SGCD: variants seen among roughly 807,000 people sequenced by gnomAD.
SGCD encodes sarcoglycan delta.
Under a neutral mutation model 36.6 loss-of-function variants are expected in SGCD, and 18 were observed. The observed-to-expected ratio is 0.49, with a 90% CI of 0.34 to 0.73. The LOEUF (loss-of-function observed/expected upper bound fraction) is 0.73, where lower values mean the gene tolerates loss of function less well. SGCD is among the 30% of genes least tolerant of loss of function. The pLI is 0.01. For missense variants in SGCD, 387 were observed against 346.7 expected (o/e 1.12, Z -0.92); for synonymous variants, 133 against 130.6 (o/e 1.02, Z -0.12).
intron 3 of SGCD, among the ~76,000 whole-genome samples, chr5:156,258,533 A>T (rs937118072): frequency 2.0e-5 from 3 of 152,214 alleles, no homozygotes; most frequent in African/African-American, 7.2e-5. Flanking sequence ...AAAAATAGCC[A>T]CGATTGTCTA....
intron 3 of SGCD, among the ~76,000 whole-genome samples, chr5:156,149,496 CTG>C (rs1477492610): frequency 6.6e-6 from 1 of 152,172 alleles, no homozygotes; most frequent in African/African-American, 2.4e-5. Context: ...GATCCAGAGT[CTG>C]TGATTTCTTC....
At chr5:156,534,672 T>A (rs922860833) in intron 4 of SGCD, among the ~76,000 whole-genome samples, 1 of 152,224 alleles carries the variant, frequency 6.6e-6, no homozygotes, top group South Asian at 2.1e-4. Flanking sequence ...AAACTGTGTG[T>A]GAAGCTTGGT....
intron 6 of SGCD, among the ~76,000 whole-genome samples, chr5:156,622,059 A>T (rs561737232): frequency 6.6e-6 from 1 of 152,308 alleles, no homozygotes; most frequent in African/African-American, 2.4e-5. Context: ...AATTATTGAG[A>T]TAAAATTCAC....
chr5:155,849,676 TG>T, the SGCD span, among the ~76,000 whole-genome samples: 2 of 152,160 alleles, frequency 1.3e-5, no homozygotes, highest in Non-Finnish European at 2.9e-5. Context: ...ATGTAGAATA[TG>T]TAAAAAAGGA....
chr5:156,655,013 T>C (rs770093753), intron 7 of SGCD, among the ~76,000 whole-genome samples: 9 of 152,164 alleles, frequency 5.9e-5, no homozygotes, highest in Non-Finnish European at 1.3e-4. Context: ...GAGGTGAATT[T>C]ATAGATCTTT....
chr5:156,650,121 A>G (rs548563985), intron 7 of SGCD, among the ~76,000 whole-genome samples: 3 of 152,256 alleles, frequency 2.0e-5, no homozygotes, highest in South Asian at 2.1e-4. Context: ...GTATTTGCAC[A>G]TGTTATGCTG....
At chr5:156,101,819 G>A (rs1054643582) in intron 1 of SGCD, among the ~76,000 whole-genome samples, 1 of 151,914 alleles carries the variant, frequency 6.6e-6, no homozygotes, top group African/African-American at 2.4e-5. Context: ...GAAAATCTTA[G>A]AGTGGAATCA....
At chr5:155,740,468 A>C in the SGCD span, among the ~76,000 whole-genome samples, 2 of 152,236 alleles carry the variant, frequency 1.3e-5, no homozygotes, top group African/African-American at 4.8e-5. Flanking sequence ...TTTCAGATGC[A>C]AAAATCACTC....
intron 3 of SGCD, among the ~76,000 whole-genome samples, chr5:156,214,963 C>A (rs1042400015): frequency 6.6e-6 from 1 of 152,018 alleles, no homozygotes; most frequent in South Asian, 2.1e-4. Flanking sequence ...GTATTAAAGT[C>A]TTAAATGTAA....
intron 3 of SGCD, among the ~76,000 whole-genome samples, chr5:156,456,718 C>T (rs181204413): frequency 1.5e-4 from 23 of 152,216 alleles, no homozygotes; most frequent in African/African-American, 4.3e-4. Context: ...GTTTTGTTGA[C>T]GCCTTAATTT....
intron 3 of SGCD, among the ~76,000 whole-genome samples, chr5:156,366,041 T>C (rs1019367540): frequency 6.6e-6 from 1 of 152,160 alleles, no homozygotes; most frequent in African/African-American, 2.4e-5. Context: ...TTAATAAATT[T>C]CATGTGTTCA....
intron 6 of SGCD, among the ~76,000 whole-genome samples, chr5:156,616,724 C>T: frequency 6.6e-6 from 1 of 152,188 alleles, no homozygotes; most frequent in Non-Finnish European, 1.5e-5. Flanking sequence ...TCAAAGAGGT[C>T]TTCCCTGACC....
intron 1 of SGCD, among the ~76,000 whole-genome samples, chr5:155,979,860 G>A (rs912534730): frequency 6.6e-6 from 1 of 152,128 alleles, no homozygotes; most frequent in African/African-American, 2.4e-5. Context: ...CTCAGATGAT[G>A]GTATGTTCTG....
At chr5:156,681,952 A>G (rs1389663420) in intron 7 of SGCD, among the ~76,000 whole-genome samples, 2 of 152,232 alleles carry the variant, frequency 1.3e-5, no homozygotes, top group Non-Finnish European at 1.5e-5. Flanking sequence ...TAATCTCAGC[A>G]GGCGTTTATT....
At chr5:156,304,882 C>G (rs920448855) in intron 3 of SGCD, among the ~76,000 whole-genome samples, 2 of 152,126 alleles carry the variant, frequency 1.3e-5, no homozygotes, top group Admixed American at 1.3e-4. Context: ...AGCAAAGAGA[C>G]TAGTTGCATT....
the SGCD span, among the ~76,000 whole-genome samples, chr5:155,863,486 C>A: frequency 6.6e-6 from 1 of 151,904 alleles, no homozygotes; most frequent in South Asian, 2.1e-4. Flanking sequence ...CTGGAAGATG[C>A]TGCATTTTGA....
At chr5:156,459,907 A>G (rs993961260) in intron 3 of SGCD, among the ~76,000 whole-genome samples, 2 of 152,186 alleles carry the variant, frequency 1.3e-5, no homozygotes, top group Non-Finnish European at 2.9e-5. Flanking sequence ...ATGCTCATTT[A>G]CAGGGAAATC....
intron 3 of SGCD, among the ~76,000 whole-genome samples, chr5:156,152,317 A>G (rs763632356): frequency 9.2e-5 from 14 of 151,598 alleles, no homozygotes; most frequent in Non-Finnish European, 2.1e-4. Flanking sequence ...TACTGAAGAC[A>G]TCGTGGGTCA....
intron 3 of SGCD, among the ~76,000 whole-genome samples, chr5:156,258,620 A>G (rs899937938): frequency 6.6e-6 from 1 of 152,150 alleles, no homozygotes; most frequent in African/African-American, 2.4e-5. Context: ...ATATACTTCA[A>G]CACACAAAAA....
Sources: allele counts gnomAD v4.1 joint callset (sites outside exome capture counted in the v4.1 genomes callset), GRCh38; gene constraint gnomAD v4.1.1; transcripts MANE v1.5; gene names NCBI Gene and HGNC (gene_info 2026-07-23, HGNC 2026-07-21).